Variants in TRIM59 observed in about 807,000 individuals in gnomAD.
TRIM59 encodes tripartite motif-containing protein 59.
Under a neutral mutation model 32.2 loss-of-function variants are expected in TRIM59, and 14 were observed. The observed-to-expected ratio is 0.43, with a 90% CI of 0.29 to 0.68. The LOEUF (loss-of-function observed/expected upper bound fraction) is 0.68. Among genes scored for constraint, TRIM59 ranks in the 30% least tolerant of loss-of-function variants. The probability of loss-of-function intolerance (pLI) is 0.15; values close to 1 mark genes in which losing one functional copy is unlikely to be tolerated. For missense variants in TRIM59, 471 were observed against 463.3 expected, an observed-to-expected ratio of 1.02 and a Z score of -0.15; for synonymous variants, 163 against 155.1, an observed-to-expected ratio of 1.05 and a Z score of -0.38.
intron 2 of TRIM59, among the ~76,000 whole-genome samples, chr3:160,443,219 T>A (rs1191224710): frequency 1.3e-5 from 2 of 152,112 alleles, no homozygotes; most frequent in Non-Finnish European, 2.9e-5. Context: ...CCACAACCAG[T>A]CTAGGCTTCT....
Position 160,448,367 on chromosome 3 carries a change from A to G in TRIM59, c.-4+359T>C, listed in dbSNP as rs547759079. Among the ~76,000 whole-genome samples, 18 of 152,352 alleles carry G rather than the reference A, an allele frequency of 1.2e-4. No homozygotes were observed. The South Asian group carries it at 3.5e-3, about 30-fold the overall frequency. On this transcript the variant is annotated intron_variant, in intron 2 of 2. Transcript: ENST00000309784. Reference sequence around the variant, plus strand: ...TACTTACTCATTTAAAAAGACCAATACATGAATGCATAGTGAAAAAGTATC... The same window carrying G: ...TACTTACTCATTTAAAAAGACCAATGCATGAATGCATAGTGAAAAAGTATC...
In TRIM59 at chr3:160,435,856, A is replaced by G. The variant is rs374616889; in HGVS notation, c.*2116T>C. 4.1e-5 allele frequency: 36 copies of G among 878,588 alleles called. No individual in the cohort carries two copies. The African/African-American group carries it at 5.2e-4, about 13-fold the overall frequency. The allele number at this position is 878,588 out of a possible 1,614,324, so 54.4% of individuals were successfully genotyped here. A position where few individuals can be genotyped will look rare whatever the true frequency, so the allele number is the denominator to read the frequency against. ...AGAATGCATGGGTTTTCTCACAGCT[A>G]TATGGCCTTGGACAAGTCACTTGTC... On this transcript the variant is annotated 3_prime_UTR_variant, in exon 3 of 3. Transcript: ENST00000309784.
In TRIM59 at chr3:160,436,372, A is replaced by C. The variant is rs1718946293; in HGVS notation, c.*1600T>G. ...AGCCCCTTTGGGATTTCTGGAAAGC[A>C]AATCAACCTGCACTTAGAGTTGCAT... On this transcript the variant is annotated 3_prime_UTR_variant, in exon 3 of 3. Transcript: ENST00000309784. The C allele has an allele frequency of 1.0e-6, 1 of 986,076 alleles. No individual in the cohort carries two copies. Among genetic ancestry groups the C allele is most frequent in the African/African-American group, 1.7e-5 (1 of 57,262 alleles). 61.1% of individuals were successfully genotyped at this position (986,076 alleles called of 1,614,324 possible). A position where few individuals can be genotyped will look rare whatever the true frequency, so the allele number is the denominator to read the frequency against.
chr3:160,446,840 C>A (rs1251247179), intron 2 of TRIM59, among the ~76,000 whole-genome samples: 1 of 152,176 alleles, frequency 6.6e-6, no homozygotes, highest in African/African-American at 2.4e-5. Flanking sequence ...TAGGTTGTGG[C>A]TCACTGTGAG....
chr3:160,446,931 A>T (rs1302025181), intron 2 of TRIM59, among the ~76,000 whole-genome samples: 1 of 151,404 alleles, frequency 6.6e-6, no homozygotes, highest in Non-Finnish European at 1.5e-5. Context: ...CCGTCCACAG[A>T]AAAATTGCCT....
rs921480599 is a variant in TRIM59 at position 160,436,061 on chromosome 3, G to A, written c.*1911C>T. The A allele has an allele frequency of 1.7e-6, 2 of 1,174,492 alleles. No individual in the cohort carries two copies. 72.8% of individuals were successfully genotyped at this position (1,174,492 alleles called of 1,614,324 possible). ...CAACTTAGTATTTTTATCTCTAGCT[G>A]AGTATGTGTCTCTCCTTACCTCTAC... On this transcript the variant is annotated 3_prime_UTR_variant, in exon 3 of 3. Coordinates refer to ENST00000309784, the MANE Select transcript of TRIM59 (RefSeq NM_173084.3).
chr3:160,436,046 T>A lies in TRIM59; in HGVS notation c.*1926A>T. 1 of 1,181,744 alleles carries A rather than the reference T, an allele frequency of 8.5e-7. No homozygotes were observed. The highest frequency in any genetic ancestry group is 1.1e-6 in the Non-Finnish European group (1 of 938,812). 73.2% of individuals were successfully genotyped at this position (1,181,744 alleles called of 1,614,324 possible). A position where few individuals can be genotyped will look rare whatever the true frequency, so the allele number is the denominator to read the frequency against. The stretch of plus-strand genomic sequence containing the variant: ...TTTAAGTAATCAGTGCAACTTAGTA[T>A]TTTTATCTCTAGCTGAGTATGTGTC... On this transcript the variant is annotated 3_prime_UTR_variant, in exon 3 of 3. Coordinates refer to ENST00000309784, the MANE Select transcript of TRIM59 (RefSeq NM_173084.3).
chr3:160,437,923 T>A lies in TRIM59; in HGVS notation c.*49A>T. 6.9e-7 allele frequency: 1 copy of A among 1,450,708 alleles called. No homozygotes were observed. Among genetic ancestry groups the A allele is most frequent in the Non-Finnish European group, 9.1e-7 (1 of 1,103,222 alleles). The allele number at this position is 1,450,708 out of a possible 1,614,324, so 89.9% of individuals were successfully genotyped here. A position where few individuals can be genotyped will look rare whatever the true frequency, so the allele number is the denominator to read the frequency against. On this transcript the variant is annotated 3_prime_UTR_variant, in exon 3 of 3. Transcript: ENST00000309784. ...TTTATCCATGCTACCCCATTTTTTG[T>A]TTAGCAATGTACAGAATAAGCCCAT...
At chr3:160,441,737 G>C (rs904354912) in intron 2 of TRIM59, among the ~76,000 whole-genome samples, 2 of 131,824 alleles carry the variant, frequency 1.5e-5, no homozygotes, top group African/African-American at 5.9e-5. Context: ...CTGGGCAACA[G>C]AGTGAGACTC....
At chr3:160,446,979 A>ACT (rs1373942039) in intron 2 of TRIM59, among the ~76,000 whole-genome samples, 4 of 150,466 alleles carry the variant, frequency 2.7e-5, no homozygotes, top group Non-Finnish European at 5.9e-5. Context: ...AAGGTTGAGG[A>ACT]CTGCTGGTTT....
At chr3:160,443,070 G>A (rs906639343) in intron 2 of TRIM59, among the ~76,000 whole-genome samples, 6 of 151,932 alleles carry the variant, frequency 3.9e-5, no homozygotes, top group Admixed American at 6.6e-5. Flanking sequence ...AGTGAGCCAC[G>A]ACTGTGCCAC....
At chr3:160,446,273 A>T (rs1488613794) in intron 2 of TRIM59, among the ~76,000 whole-genome samples, 1 of 152,192 alleles carries the variant, frequency 6.6e-6, no homozygotes, top group Non-Finnish European at 1.5e-5. Context: ...CAAATATGAA[A>T]AGTTTGCTAA....
chr3:160,439,520 G>T (rs1430861038), intron 2 of TRIM59, among the ~76,000 whole-genome samples: 1 of 152,064 alleles, frequency 6.6e-6, no homozygotes, highest in South Asian at 2.1e-4. Flanking sequence ...ATCTTGAATT[G>T]TAGCTCCCAT....
In TRIM59 at chr3:160,438,089, A is replaced by C; in HGVS notation, c.1095T>G (p.Ser365=). 6.2e-7 allele frequency: 1 copy of C among 1,612,780 alleles called. No homozygotes were observed. Among genetic ancestry groups the C allele is most frequent in the South Asian group, 1.1e-5 (1 of 90,570 alleles). Residue 365 remains serine (S), a synonymous_variant, in exon 3 of 3, where the codon TCT becomes TCG. Transcript: ENST00000309784. The part of the protein sequence containing the change: ...FLSEITLIWF[S]EASLSVYQSL... ...TTTGGTAAACAGATAGAGAGGCTTCAGAAAACCATATTAAAGTGATTTCAC... is the reference window on the plus strand; with the variant it reads ...TTTGGTAAACAGATAGAGAGGCTTCCGAAAACCATATTAAAGTGATTTCAC...
In TRIM59 at chr3:160,436,424, A is replaced by G. The variant is rs563841494; in HGVS notation, c.*1548T>C. On this transcript the variant is annotated 3_prime_UTR_variant, in exon 3 of 3. Coordinates refer to ENST00000309784, the MANE Select transcript of TRIM59 (RefSeq NM_173084.3). ...GACAGTGGGCCAAAAGTCGTAACAC[A>G]TGCATCATAACTCCAGTCCCTGTTA... 1 of 985,960 alleles carries G rather than the reference A, an allele frequency of 1.0e-6. No homozygotes were observed. The highest frequency in any genetic ancestry group is 1.2e-6 in the Non-Finnish European group (1 of 829,994). The allele number at this position is 985,960 out of a possible 1,614,324, so 61.1% of individuals were successfully genotyped here. A position where few individuals can be genotyped will look rare whatever the true frequency, so the allele number is the denominator to read the frequency against.
In TRIM59 at chr3:160,439,147, A is replaced by T. The variant is rs371243300; in HGVS notation, c.37T>A (p.Cys13Ser). The T allele has an allele frequency of 6.6e-7, 1 of 1,508,330 alleles. No individual in the cohort carries two copies. Among genetic ancestry groups the T allele is most frequent in the Non-Finnish European group, 8.8e-7 (1 of 1,130,174 alleles). The allele number at this position is 1,508,330 out of a possible 1,614,324, so 93.4% of individuals were successfully genotyped here. Residue 13 changes from cysteine (C) to serine (S), a missense_variant, in exon 3 of 3, where the codon TGT (cysteine) becomes AGT (serine). Cys to Ser is a moderately radical substitution (Grantham distance 112). Coordinates refer to ENST00000309784, the MANE Select transcript of TRIM59 (RefSeq NM_173084.3). ...CGAGGATCTTCAAAAATACTATAACATATGGGACAAGTTAACTCTTCCTCA... is the reference window on the plus strand; with the variant it reads ...CGAGGATCTTCAAAAATACTATAACTTATGGGACAAGTTAACTCTTCCTCA... ...NFEEELTCPI[C>S]YSIFEDPRVL...
At position 160,438,747 on chromosome 3, in the gene TRIM59, TGAG is replaced by T. The variant is rs1249627919; in HGVS notation, c.434_436del (p.Pro145del). On this transcript the variant is annotated inframe_deletion, in exon 3 of 3. Coordinates refer to ENST00000309784, the MANE Select transcript of TRIM59 (RefSeq NM_173084.3). ...GTCAGTCAACTGTTCAAGCAGTTTT[TGAG>T]GAGTGTCCTTTTCTTTCAAATAGGC... The T allele has an allele frequency of 3.1e-6, 5 of 1,614,096 alleles. No individual in the cohort carries two copies. In the South Asian group the frequency reaches 4.4e-5, roughly 14 times the overall value.
Position 160,437,832 on chromosome 3 carries a change from A to G in TRIM59, c.*140T>C. 7.8e-7 allele frequency: 1 copy of G among 1,286,874 alleles called. No individual in the cohort carries two copies. The allele number at this position is 1,286,874 out of a possible 1,614,324, so 79.7% of individuals were successfully genotyped here. ...TAACTTTGACATATCATTGCTAACCAAAAGAAGCAACAAATATAAACATTT... is the reference window on the plus strand; with the variant it reads ...TAACTTTGACATATCATTGCTAACCGAAAGAAGCAACAAATATAAACATTT... On this transcript the variant is annotated 3_prime_UTR_variant, in exon 3 of 3. Transcript: ENST00000309784.
rs1718954134 is a variant in TRIM59 at position 160,436,484 on chromosome 3, C to T, written c.*1488G>A. On this transcript the variant is annotated 3_prime_UTR_variant, in exon 3 of 3. Coordinates refer to ENST00000309784, the MANE Select transcript of TRIM59 (RefSeq NM_173084.3). Reference sequence around the variant, plus strand: ...AAAGGGCTTTGATTTAATTGGCCCTCTTAAGCAAAGCTAATAAAAGATTAA... The same window carrying T: ...AAAGGGCTTTGATTTAATTGGCCCTTTTAAGCAAAGCTAATAAAAGATTAA... The T allele has an allele frequency of 1.0e-6, 1 of 985,710 alleles. No homozygotes were observed. Among genetic ancestry groups the T allele is most frequent in the Admixed American group, 6.2e-5 (1 of 16,258 alleles). The allele number at this position is 985,710 out of a possible 1,614,324, so 61.1% of individuals were successfully genotyped here. A position where few individuals can be genotyped will look rare whatever the true frequency, so the allele number is the denominator to read the frequency against.
Sources: allele counts gnomAD v4.1 joint callset (sites outside exome capture counted in the v4.1 genomes callset), GRCh38; gene constraint gnomAD v4.1.1; transcripts MANE v1.5; gene names NCBI Gene and HGNC (gene_info 2026-07-23, HGNC 2026-07-21).